The following ADGRB3 variants were observed in gnomAD, a reference collection of about 807,000 sequenced individuals.
ADGRB3 encodes brain-specific angiogenesis inhibitor 3.
Under a neutral mutation model 193.4 loss-of-function variants are expected in ADGRB3, and 37 were observed. The ratio of observed to expected loss-of-function variants is 0.19; its 90% CI spans 0.15 to 0.25. The LOEUF (loss-of-function observed/expected upper bound fraction) is 0.25, where lower values mean the gene tolerates loss of function less well. ADGRB3 is among the 10% of genes least tolerant of loss of function. ADGRB3 has a pLI of 1.00. For missense variants in ADGRB3, 1,637 were observed against 1,852.9 expected, an observed-to-expected ratio of 0.88 and a Z score of 2.14; for synonymous variants, 690 against 644.2, an observed-to-expected ratio of 1.07 and a Z score of -1.08.
chr6:68,753,058 G>T (rs1766232270), intron 3 of ADGRB3, among the ~76,000 whole-genome samples: 1 of 152,096 alleles, frequency 6.6e-6, no homozygotes, highest in Admixed American at 6.6e-5. Context: ...CTGAATATAG[G>T]ACACCACATC....
intron 3 of ADGRB3, among the ~76,000 whole-genome samples, chr6:68,915,211 G>A (rs575376159): frequency 3.3e-5 from 5 of 152,172 alleles, no homozygotes; most frequent in African/African-American, 7.2e-5. Flanking sequence ...TATTAGCTAC[G>A]TAATGATGGA....
At chr6:69,372,050 C>T (rs1398960259) in intron 29 of ADGRB3, among the ~76,000 whole-genome samples, 2 of 152,018 alleles carry the variant, frequency 1.3e-5, no homozygotes, top group Admixed American at 6.6e-5. Flanking sequence ...TGTAGCTTTG[C>T]TGTAGTAAGC....
intron 17 of ADGRB3, among the ~76,000 whole-genome samples, chr6:69,089,642 A>G (rs945084656): frequency 8.5e-5 from 13 of 152,220 alleles, no homozygotes; most frequent in African/African-American, 2.9e-4. Context: ...CCACTTTACA[A>G]TTCTACTTAT....
rs1200393673 is a variant in ADGRB3, at chr6:68,772,893, AAATATATATATATATATATATATAT to A, written c.757+133463_757+133487del. The stretch of plus-strand genomic sequence containing the variant: ...AACAAACAAACAAACAAAAAAAAAA[AAATATATATATATATATATATATAT>A]ATATATATATATATACATACACACA... On this transcript the variant is annotated intron_variant, in intron 3 of 31. Transcript: ENST00000370598. Among the ~76,000 whole-genome samples, 5 of 22,698 alleles carry A rather than the reference AAATATATATATATATATATATATAT, an allele frequency of 2.2e-4. 1 individual carries two copies. The highest frequency in any genetic ancestry group is 8.0e-4 in the African/African-American group (4 of 5,018). 14.9% of individuals were successfully genotyped at this position (22,698 alleles called of 152,430 possible).
At chr6:68,816,523 A>G (rs1384637615) in intron 3 of ADGRB3, among the ~76,000 whole-genome samples, 1 of 151,982 alleles carries the variant, frequency 6.6e-6, no homozygotes, top group Non-Finnish European at 1.5e-5. Context: ...GTTCTTATTT[A>G]TGAAACAAAT....
chr6:68,760,975 T>C (rs1766385256), intron 3 of ADGRB3, among the ~76,000 whole-genome samples: 1 of 152,222 alleles, frequency 6.6e-6, no homozygotes, highest in Admixed American at 6.5e-5. Context: ...AATACATTGG[T>C]ATCATTTTTA....
intron 15 of ADGRB3, among the ~76,000 whole-genome samples, chr6:69,061,388 A>C (rs1254980917): frequency 1.3e-5 from 2 of 151,944 alleles, no homozygotes; most frequent in Non-Finnish European, 2.9e-5. Context: ...AACAAATCTC[A>C]AAAAAAGCTA....
chr6:69,046,772 C>A (rs1223475696), intron 13 of ADGRB3, among the ~76,000 whole-genome samples: 1 of 152,164 alleles, frequency 6.6e-6, no homozygotes, highest in African/African-American at 2.4e-5. Context: ...TATATTTATA[C>A]AACTAATATT....
intron 3 of ADGRB3, among the ~76,000 whole-genome samples, chr6:68,674,782 C>T (rs1002683280): frequency 1.3e-5 from 2 of 152,114 alleles, no homozygotes; most frequent in Non-Finnish European, 2.9e-5. Context: ...AAAGCAGTAG[C>T]TGAAATAATT....
chr6:68,779,010 G>A (rs9346241), intron 3 of ADGRB3, among the ~76,000 whole-genome samples: 84,256 of 151,736 alleles, frequency 0.56, 24,200 homozygotes, highest in East Asian at 0.86. Flanking sequence ...AGTGGGTGAT[G>A]ACTTGGCAAG....
chr6:69,252,191 A>G (rs1031552966), intron 20 of ADGRB3, among the ~76,000 whole-genome samples: 1 of 152,150 alleles, frequency 6.6e-6, no homozygotes, highest in East Asian at 1.9e-4. Flanking sequence ...TTTGCTCAAT[A>G]TATTTTCTTT....
intron 8 of ADGRB3, among the ~76,000 whole-genome samples, chr6:68,970,356 C>T (rs1376915249): frequency 6.6e-6 from 1 of 151,518 alleles, no homozygotes; most frequent in African/African-American, 2.4e-5. Context: ...ACGATCTTGG[C>T]TCACTGCAAA....
chr6:68,907,713 T>G (rs1170454108), intron 3 of ADGRB3, among the ~76,000 whole-genome samples: 1 of 151,984 alleles, frequency 6.6e-6, no homozygotes, highest in Non-Finnish European at 1.5e-5. Flanking sequence ...TTATCTTTCA[T>G]GCACTAGTAA....
At chr6:69,083,017 C>G (rs1582447768) in intron 17 of ADGRB3, among the ~76,000 whole-genome samples, 2 of 152,176 alleles carry the variant, frequency 1.3e-5, no homozygotes, top group South Asian at 4.1e-4. Flanking sequence ...TGAACCCAAG[C>G]TGCAAATCCT....
chr6:69,363,291 A>C (rs1489736635), intron 29 of ADGRB3, among the ~76,000 whole-genome samples: 1 of 152,048 alleles, frequency 6.6e-6, no homozygotes, highest in Non-Finnish European at 1.5e-5. Context: ...TTCAGAATGA[A>C]AATTTGGTTC....
At position 69,354,218 on chromosome 6, in the gene ADGRB3, TC is replaced by T; in HGVS notation, c.3460-10del. The T allele has an allele frequency of 6.3e-7, 1 of 1,591,798 alleles. No individual in the cohort carries two copies. Among genetic ancestry groups the T allele is most frequent in the Non-Finnish European group, 8.6e-7 (1 of 1,160,014 alleles). ...TTAAGAGAGAAGAAAATTAATGTGT[TC>T]CCCCTCCCCACAGGTTCAGGATGCA... On this transcript the variant is annotated splice_polypyrimidine_tract_variant and intron_variant, in intron 26 of 31. Coordinates refer to ENST00000370598, the MANE Select transcript of ADGRB3 (RefSeq NM_001704.3).
chr6:69,328,432 G>C (rs1360722083), intron 22 of ADGRB3, among the ~76,000 whole-genome samples: 1 of 152,064 alleles, frequency 6.6e-6, no homozygotes, highest in Non-Finnish European at 1.5e-5. Context: ...ATTTTATAGT[G>C]GTAGAGCTGA....
intron 21 of ADGRB3, 63 bp from the exon 22 acceptor site, chr6:69,327,757 C>T: frequency 6.9e-7 from 1 of 1,440,784 alleles, no homozygotes; most frequent in Non-Finnish European, 9.5e-7. Context: ...TCTGGCTTTT[C>T]TTAGACCAGT....
At chr6:68,905,990 T>G (rs1766534312) in intron 3 of ADGRB3, among the ~76,000 whole-genome samples, 1 of 152,100 alleles carries the variant, frequency 6.6e-6, no homozygotes, top group African/African-American at 2.4e-5. Flanking sequence ...AGAATTACTG[T>G]ATAATCCTTG....
Sources: gnomAD v4.1 joint callset for allele counts (sites outside exome capture counted in the v4.1 genomes callset) on GRCh38, gnomAD v4.1.1 for gene constraint, MANE v1.5 for transcripts, NCBI Gene and HGNC (gene_info 2026-07-23, HGNC 2026-07-21) for gene names.